Variants in TMEM242 observed in about 807,000 individuals in gnomAD.
TMEM242 encodes the protein UPF0463 transmembrane protein C6orf35.
Under a neutral mutation model 18.2 loss-of-function variants are expected in TMEM242, and 10 were observed. That is an observed-to-expected ratio of 0.55 (90% CI 0.34 to 0.93). The LOEUF is 0.93. TMEM242 is among the 40% of genes least tolerant of loss of function. TMEM242 has a pLI of 0.02. For synonymous variants in TMEM242, 57 were observed against 69.9 expected (o/e 0.81, Z 0.92); for missense variants, 186 against 175.5 (o/e 1.06, Z -0.34).
chr6:157,310,736 G>A (rs1554248419), intron 3 of TMEM242, among the ~76,000 whole-genome samples: 4 of 112,022 alleles, frequency 3.6e-5, no homozygotes, highest in African/African-American at 1.2e-4. Context: ...CCTCATCATA[G>A]TGTCCCAGTG....
intron 3 of TMEM242, among the ~76,000 whole-genome samples, chr6:157,313,360 G>T (rs372165162): frequency 1.2e-3 from 22 of 17,768 alleles, no homozygotes; most frequent in Middle Eastern, 0.029. Context: ...GCGCTCACCT[G>T]GCCTCATCAT....
intron 3 of TMEM242, among the ~76,000 whole-genome samples, chr6:157,312,173 C>G (rs185890237): frequency 6.9e-6 from 1 of 145,450 alleles, no homozygotes. Flanking sequence ...TGTGCACTCA[C>G]CCGGCCTCAT....
At chr6:157,309,088 T>A (rs993923927) in intron 3 of TMEM242, among the ~76,000 whole-genome samples, 2 of 152,334 alleles carry the variant, frequency 1.3e-5, no homozygotes, top group Middle Eastern at 3.4e-3. Flanking sequence ...GAGATTGATA[T>A]ACTCTGCTGT....
At chr6:157,306,901 A>G (rs1309064758) in intron 3 of TMEM242, among the ~76,000 whole-genome samples, 3 of 152,250 alleles carry the variant, frequency 2.0e-5, no homozygotes, top group Admixed American at 6.5e-5. Context: ...CACAATTTAC[A>G]TAGTGGAAAA....
chr6:157,322,920 T>G (rs1264429366), intron 1 of TMEM242, 115 bp from the exon 2 acceptor site: 1 of 905,128 alleles, frequency 1.1e-6, no homozygotes, highest in Non-Finnish European at 1.6e-6. Flanking sequence ...CAAAATCACT[T>G]TTGAAATTCA....
chr6:157,292,046 G>A lies in TMEM242; in HGVS notation c.*855C>T, dbSNP rs1193150527. 1 of 152,162 alleles carries A rather than the reference G, an allele frequency of 6.6e-6. No individual in the cohort carries two copies. The highest frequency in any genetic ancestry group is 1.5e-5 in the Non-Finnish European group (1 of 68,034). The allele number at this position is 152,162 out of a possible 1,614,324, so 9.4% of individuals were successfully genotyped here. ...AGAATTTACCCTAACAGCTTTGTTAGGGAGGTGGTCCCAAATACTTTATAT... is the reference window on the plus strand; with the variant it reads ...AGAATTTACCCTAACAGCTTTGTTAAGGAGGTGGTCCCAAATACTTTATAT... On this transcript the variant is annotated 3_prime_UTR_variant, in exon 4 of 4. Transcript: ENST00000400788.
intron 3 of TMEM242, among the ~76,000 whole-genome samples, chr6:157,306,637 G>A (rs1344628935): frequency 1.3e-5 from 2 of 152,182 alleles, no homozygotes; most frequent in Non-Finnish European, 2.9e-5. Context: ...CATCAGAGTG[G>A]CTGGAACCTG....
chr6:157,312,546 C>T (rs1778197317), intron 3 of TMEM242, among the ~76,000 whole-genome samples: 2 of 149,348 alleles, frequency 1.3e-5, no homozygotes, highest in Admixed American at 6.7e-5. Flanking sequence ...ACTCAGCTAG[C>T]CTCATCATAG....
At position 157,318,921 on chromosome 6, in the gene TMEM242, T is replaced by C. The variant is rs782594153; in HGVS notation, c.190-2A>G. ...TAATGCAGCCGTGGCCATACTTCCC[T>C]GAAATGAAACAGAAAAGTTGAGGTA... is the stretch of plus-strand genomic sequence containing the variant. On this transcript the variant is annotated splice_acceptor_variant, in intron 2 of 3. Transcript: ENST00000400788. LOFTEE classifies it high-confidence loss of function. 3.1e-6 allele frequency: 5 copies of C among 1,594,080 alleles called. No individual in the cohort carries two copies. The highest frequency in any genetic ancestry group is 4.3e-6 in the Non-Finnish European group (5 of 1,172,436).
rs1384917587 is a variant in TMEM242, at chr6:157,291,380, T to C, written c.*1521A>G. ...ATCTCATGCACGTTGGAAACCCACA[T>C]TTATGAAGCACAAAAGGATCAGGCG... is the stretch of plus-strand genomic sequence containing the variant. On this transcript the variant is annotated 3_prime_UTR_variant, in exon 4 of 4. Transcript: ENST00000400788. 1.3e-5 allele frequency: 2 copies of C among 152,234 alleles called. No homozygotes were observed. The highest frequency in any genetic ancestry group is 2.9e-5 in the Non-Finnish European group (2 of 68,036). 9.4% of individuals were successfully genotyped at this position (152,234 alleles called of 1,614,324 possible). A position where few individuals can be genotyped will look rare whatever the true frequency, so the allele number is the denominator to read the frequency against.
chr6:157,310,474 G>T (rs1554248297), intron 3 of TMEM242, among the ~76,000 whole-genome samples: 1 of 61,372 alleles, frequency 1.6e-5, no homozygotes, highest in South Asian at 5.4e-4. Context: ...GTGCCCCAGT[G>T]TGTGCTCACC....
chr6:157,292,615 C>T lies in TMEM242; in HGVS notation c.*286G>A, dbSNP rs1349111233. On this transcript the variant is annotated 3_prime_UTR_variant, in exon 4 of 4. Coordinates refer to ENST00000400788, the MANE Select transcript of TMEM242 (RefSeq NM_018452.6). ...TTTTTTAGTATGAAATTTGCTTCAA[C>T]TGTTACAAACAGAATCATTTCCTAT... The T allele has an allele frequency of 3.5e-6, 1 of 283,750 alleles. No individual in the cohort carries two copies. The highest frequency in any genetic ancestry group is 6.5e-6 in the Non-Finnish European group (1 of 154,300). 17.6% of individuals were successfully genotyped at this position (283,750 alleles called of 1,614,324 possible).
Position 157,290,449 on chromosome 6 carries a change from A to T in TMEM242, c.*2452T>A, listed in dbSNP as rs1554246771. 6.6e-6 allele frequency: 1 copy of T among 152,248 alleles called. No individual in the cohort carries two copies. Among genetic ancestry groups the T allele is most frequent in the African/African-American group, 2.4e-5 (1 of 41,464 alleles). 9.4% of individuals were successfully genotyped at this position (152,248 alleles called of 1,614,324 possible). Reference sequence around the variant, plus strand: ...GGAGATAAATGTGATTATGTTTGTCATACTCAACCCAAGATAAAGACAGCA... The same window carrying T: ...GGAGATAAATGTGATTATGTTTGTCTTACTCAACCCAAGATAAAGACAGCA... On this transcript the variant is annotated 3_prime_UTR_variant, in exon 4 of 4. Transcript: ENST00000400788.
At chr6:157,312,082 CATAG>C (rs1778151545) in intron 3 of TMEM242, among the ~76,000 whole-genome samples, 6 of 102,104 alleles carry the variant, frequency 5.9e-5, no homozygotes, top group Admixed American at 1.1e-4. Context: ...CTAGCCTCAA[CATAG>C]TGCCCTAGTG....
chr6:157,304,607 A>ATATAACAATGACC (rs1383295266), intron 3 of TMEM242, among the ~76,000 whole-genome samples: 6 of 152,198 alleles, frequency 3.9e-5, no homozygotes, highest in Non-Finnish European at 8.8e-5. Context: ...AGGTGCGAGG[A>ATATAACAATGACC]TATAACAATG....
chr6:157,290,637 A>G lies in TMEM242; in HGVS notation c.*2264T>C, dbSNP rs1777672577. On this transcript the variant is annotated 3_prime_UTR_variant, in exon 4 of 4. Transcript: ENST00000400788. Reference sequence around the variant, plus strand: ...ACAATATGCCTCTGGTACAAAAGGAATAGACAAATGACGAAATCTACTGAT... The same window carrying G: ...ACAATATGCCTCTGGTACAAAAGGAGTAGACAAATGACGAAATCTACTGAT... 1 of 152,254 alleles carries G rather than the reference A, an allele frequency of 6.6e-6. No homozygotes were observed. The highest frequency in any genetic ancestry group is 2.1e-4 in the South Asian group (1 of 4,836). The allele number at this position is 152,254 out of a possible 1,614,324, so 9.4% of individuals were successfully genotyped here.
rs140795384 is a variant in TMEM242, at chr6:157,318,899, T to C, written c.210A>G (p.Ala70=). ...WFNKGSMATA[A]LPESGSSLAL... ...CAAGGGAAGACCCGCTTTCCGGTAA[T>C]GCAGCCGTGGCCATACTTCCCTGAA... Residue 70 remains alanine (A), a synonymous_variant, in exon 3 of 4, where the codon GCA becomes GCG. Transcript: ENST00000400788. 70,788 of 1,609,022 alleles carry C rather than the reference T, an allele frequency of 0.044. 1,811 individuals carry two copies. Among genetic ancestry groups the C allele is most frequent in the Non-Finnish European group, 0.05 (58,787 of 1,178,212 alleles).
intron 3 of TMEM242, among the ~76,000 whole-genome samples, chr6:157,313,382 G>A (rs1554249738): frequency 2.1e-4 from 4 of 19,080 alleles, no homozygotes; most frequent in African/African-American, 8.1e-4. Flanking sequence ...GTGCCTCAGT[G>A]TACGCTCACC....
chr6:157,294,347 C>CTTTTTTTT (rs587765277), intron 3 of TMEM242, among the ~76,000 whole-genome samples: 5 of 115,250 alleles, frequency 4.3e-5, no homozygotes, highest in African/African-American at 1.4e-4. Flanking sequence ...CAAGTCATTT[C>CTTTTTTTT]TTTTTTTTTT....
Sources: allele counts gnomAD v4.1 joint callset (sites outside exome capture counted in the v4.1 genomes callset), GRCh38; gene constraint gnomAD v4.1.1; transcripts MANE v1.5; gene names NCBI Gene and HGNC (gene_info 2026-07-23, HGNC 2026-07-21).